The following SENP3 variants were observed in gnomAD, a reference collection of about 807,000 sequenced individuals.
The protein encoded by SENP3 is sentrin-specific protease 3.
Under a neutral mutation model 66.2 loss-of-function variants are expected in SENP3, and 11 were observed. That is an observed-to-expected ratio of 0.17 (90% CI 0.10 to 0.28). The LOEUF is 0.28. Among genes scored for constraint, SENP3 ranks in the 10% least tolerant of loss-of-function variants. The probability of loss-of-function intolerance (pLI) is 1.00; values close to 1 mark genes in which losing one functional copy is unlikely to be tolerated. For missense variants in SENP3, 548 were observed against 743.7 expected, an observed-to-expected ratio of 0.74 and a Z score of 3.06; for synonymous variants, 292 against 277.6, an observed-to-expected ratio of 1.05 and a Z score of -0.52.
Position 7,563,297 on chromosome 17 carries a change from C to G in SENP3, c.221C>G (p.Ala74Gly). 1 of 1,553,188 alleles carries G rather than the reference C, an allele frequency of 6.4e-7. No homozygotes were observed. The highest frequency in any genetic ancestry group is 1.7e-4 in the Middle Eastern group (1 of 5,994). ...CCCCGACCCTCTTTTGATGCCTCAG[C>G]AAGTGAAGAGGAGGAAGAAGAGGAG... ...PVPRPSFDAS[A>G]SEEEEEEEEE... Residue 74 changes from alanine to glycine, a missense_variant, in exon 2 of 11, where the codon GCA (alanine) becomes GGA (glycine). Physicochemically the swap from Ala to Gly is moderately conservative, Grantham distance 60. Coordinates refer to ENST00000321337, the MANE Select transcript of SENP3 (RefSeq NM_015670.6).
chr17:7,568,729 C>G (rs1192193413), intron 7 of SENP3, among the ~76,000 whole-genome samples: 1 of 152,138 alleles, frequency 6.6e-6, no homozygotes, highest in Non-Finnish European at 1.5e-5. Flanking sequence ...CTTTGTACTA[C>G]CCTTTGTTAA....
chr17:7,570,089 AG>A lies in SENP3; in HGVS notation c.1342-266del, dbSNP rs762868995. 7.9e-5 allele frequency among the ~76,000 whole-genome samples: 12 copies of A among 152,172 alleles called. No homozygotes were observed. Among genetic ancestry groups the A allele is most frequent in the Non-Finnish European group, 1.3e-4 (9 of 68,032 alleles). On this transcript the variant is annotated intron_variant, in intron 7 of 10. Coordinates refer to ENST00000321337, the MANE Select transcript of SENP3 (RefSeq NM_015670.6). This position sits in a 1 kb window ranked among gnomAD's most constrained non-coding sequence, Gnocchi z 5.4. ...CCTGGGCCTGGGTTCTTAGCTGCTA[AG>A]TGCTTCTCCCTTTAAAGTGTGAAAA...
At chr17:7,565,832 T>C in intron 6 of SENP3, 68 bp downstream of exon 6, 1 of 1,329,936 alleles carries the variant, frequency 7.5e-7, no homozygotes, top group Non-Finnish European at 1.1e-6. Flanking sequence ...TTTAAGCTCC[T>C]TTCATCTCTT....
intron 6 of SENP3, 48 bp from the exon 7 acceptor site, chr17:7,566,879 G>A (rs1350875758): frequency 1.5e-6 from 2 of 1,328,612 alleles, no homozygotes; most frequent in Admixed American, 2.0e-5. Context: ...TAGTGGGAGA[G>A]TCTGAGGTCT....
At position 7,566,941 on chromosome 17, in the gene SENP3, T is replaced by C. The variant is rs776501718; in HGVS notation, c.1278T>C (p.Asn426=). The C allele has an allele frequency of 6.4e-6, 10 of 1,564,386 alleles. No individual in the cohort carries two copies. The East Asian group carries it at 2.3e-4, about 37-fold the overall frequency. Reference sequence around the variant, plus strand: ...CATTGGCACAGGTGCATTTCTTCAATAGTTTCTTCTATGATAAACTCCGTA... The same window carrying C: ...CATTGGCACAGGTGCATTTCTTCAACAGTTTCTTCTATGATAAACTCCGTA... ...DTVPEKVHFF[N]SFFYDKLRTK... The change falls in exon 7 of 11, where the codon AAT becomes AAC. Residue 426 remains asparagine, a synonymous_variant. Transcript: ENST00000321337.
intron 6 of SENP3, chr17:7,565,984 C>A: frequency 2.0e-6 from 1 of 511,870 alleles, no homozygotes. Flanking sequence ...CTATGGCCAG[C>A]CCCAAGGATT....
chr17:7,566,708 A>G (rs1435095870), intron 6 of SENP3, among the ~76,000 whole-genome samples: 1 of 151,290 alleles, frequency 6.6e-6, no homozygotes, highest in East Asian at 1.9e-4. Context: ...ACTCATACCT[A>G]TAATCTCAAT....
Position 7,562,515 on chromosome 17 carries a change from TAAGTTTCCTTC to T in SENP3, c.-12+255_-12+265del, listed in dbSNP as rs2071226356. 6.6e-6 allele frequency among the ~76,000 whole-genome samples: 1 copy of T among 152,228 alleles called. No individual in the cohort carries two copies. Among genetic ancestry groups the T allele is most frequent in the Non-Finnish European group, 1.5e-5 (1 of 68,036 alleles). ...CCCAGCGTCTTGATTCGGTTCTCTT[TAAGTTTCCTTC>T]AAAGTTCTTCCCCGTTTATCAGCCT... On this transcript the variant is annotated intron_variant, in intron 1 of 10. Coordinates refer to ENST00000321337, the MANE Select transcript of SENP3 (RefSeq NM_015670.6). This position sits in a 1 kb window ranked among gnomAD's most constrained non-coding sequence, Gnocchi z 5.0.
In SENP3 at chr17:7,563,378, G is replaced by C; in HGVS notation, c.302G>C (p.Arg101Thr). ...GTGGCAGCTTGGAGGCTGCCCCCAA[G>C]ATGGAGTCAGCTGGGAACCTCCCAG... is the stretch of plus-strand genomic sequence containing the variant. ...EEVAAWRLPP[R>T]WSQLGTSQRP... is the part of the protein sequence containing the mutation. Residue 101 changes from arginine (R) to threonine (T), a missense_variant, in exon 2 of 11, where the codon AGA (arginine) becomes ACA (threonine). By Grantham distance (71) the Arg-to-Thr change is moderately conservative (BLOSUM62 -1). This residue lies in a region of SENP3 where 164 missense variants were observed against 167.9 expected (regional missense o/e 0.98). Coordinates refer to ENST00000321337, the MANE Select transcript of SENP3 (RefSeq NM_015670.6). 1 of 1,551,322 alleles carries C rather than the reference G, an allele frequency of 6.4e-7. No homozygotes were observed. Among genetic ancestry groups the C allele is most frequent in the Non-Finnish European group, 8.7e-7 (1 of 1,147,014 alleles).
intron 7 of SENP3, among the ~76,000 whole-genome samples, chr17:7,569,792 T>C (rs1286021505): frequency 6.6e-6 from 1 of 152,228 alleles, no homozygotes. Context: ...AAGCTGCAAT[T>C]TCCTCATCTG....
At chr17:7,567,553 G>A (rs1048907758) in intron 7 of SENP3, among the ~76,000 whole-genome samples, 2 of 152,116 alleles carry the variant, frequency 1.3e-5, no homozygotes, top group East Asian at 1.9e-4. Context: ...ATGTCATAGC[G>A]TGGGAAGTGG....
chr17:7,562,025 CGGTGGCGGA>C lies in SENP3; in HGVS notation c.-244_-236del, dbSNP rs894427166. 3.7e-4 allele frequency: 147 copies of C among 399,582 alleles called. No individual in the cohort carries two copies. The highest frequency in any genetic ancestry group is 1.9e-3 in the South Asian group (16 of 8,478). 24.8% of individuals were successfully genotyped at this position (399,582 alleles called of 1,614,324 possible). On this transcript the variant is annotated 5_prime_UTR_variant, in exon 1 of 11. Transcript: ENST00000321337. The surrounding 1 kb of genome is among the most constrained non-coding windows in gnomAD (Gnocchi z 5.0). ...GCGGCGGCGGTGGCGCTGGTGGCGG[CGGTGGCGGA>C]GGTGGAGGTGGAGGTGGAAGCTGAA...
At chr17:7,571,310 T>A in intron 10 of SENP3, 63 bp from the exon 11 acceptor site, 2 of 1,226,792 alleles carry the variant, frequency 1.6e-6, no homozygotes, top group Non-Finnish European at 2.4e-6. Context: ...ACATCTCATA[T>A]GAAATGTGTA....
intron 7 of SENP3, 75 bp downstream of exon 7, chr17:7,567,079 T>G: frequency 2.1e-6 from 2 of 965,510 alleles, no homozygotes; most frequent in Non-Finnish European, 3.3e-6. Flanking sequence ...CTCTGAGCCC[T>G]TTCCCTGACC....
chr17:7,562,244 G>A lies in SENP3; in HGVS notation c.-31G>A, dbSNP rs888522305. On this transcript the variant is annotated 5_prime_UTR_variant, in exon 1 of 11. Transcript: ENST00000321337. This position sits in a 1 kb window ranked among gnomAD's most constrained non-coding sequence, Gnocchi z 5.0. ...GAGACGCCCGCCTTCGGGCCCGTCC[G>A]CCCGGCTTCCCCGCTCCCGGTGAGG... is the stretch of plus-strand genomic sequence containing the variant. 2.5e-6 allele frequency: 1 copy of A among 398,436 alleles called. No homozygotes were observed. Among genetic ancestry groups the A allele is most frequent in the Non-Finnish European group, 4.4e-6 (1 of 225,878 alleles). 24.7% of individuals were successfully genotyped at this position (398,436 alleles called of 1,614,324 possible).
chr17:7,570,689 C>G lies in SENP3; in HGVS notation c.1488C>G (p.Ala496=), dbSNP rs1356009162. Residue 496 remains alanine (A), a synonymous_variant, in exon 9 of 11, where the codon GCC becomes GCG. Coordinates refer to ENST00000321337, the MANE Select transcript of SENP3 (RefSeq NM_015670.6). This position sits in a 1 kb window ranked among gnomAD's most constrained non-coding sequence, Gnocchi z 5.4. ...TTCCCCCATCCACATAGCATATTGC[C>G]AAGTATCTACAGGCAGAGGCGGTAA... ...TLNRRCPKHI[A]KYLQAEAVKK... 1.2e-6 allele frequency: 2 copies of G among 1,612,552 alleles called. No homozygotes were observed. The highest frequency in any genetic ancestry group is 1.7e-6 in the Non-Finnish European group (2 of 1,179,244).
chr17:7,571,578 C>A lies in SENP3; in HGVS notation c.*95C>A. The A allele has an allele frequency of 1.3e-6, 1 of 748,056 alleles. No homozygotes were observed. The highest frequency in any genetic ancestry group is 1.6e-5 in the South Asian group (1 of 62,736). 46.3% of individuals were successfully genotyped at this position (748,056 alleles called of 1,614,324 possible). On this transcript the variant is annotated 3_prime_UTR_variant, in exon 11 of 11. Coordinates refer to ENST00000321337, the MANE Select transcript of SENP3 (RefSeq NM_015670.6). ...AGTTCCTTTCCTCTCTTGCCTCTTC[C>A]CACTCACTTCCCTTTGGTTTTTCAT... is the stretch of plus-strand genomic sequence containing the variant.
At position 7,564,819 on chromosome 17, in the gene SENP3, G is replaced by T; in HGVS notation, c.910G>T (p.Gly304Cys). 3 of 1,613,282 alleles carry T rather than the reference G, an allele frequency of 1.9e-6. No homozygotes were observed. The highest frequency in any genetic ancestry group is 1.7e-4 in the Middle Eastern group (1 of 6,056). Residue 304 changes from glycine to cysteine, a missense_variant, in exon 3 of 11, where the codon GGC becomes TGC. This residue lies in a region of SENP3 where 215 missense variants were observed against 230.7 expected (regional missense o/e 0.93). Transcript: ENST00000321337. ...GGCAGAGAGGCCTGGGGAGAAAGCC[G>T]GCCAGCACAGCCCCCTGCGAGAGGA... ...EEAERPGEKAGQHSPLREEHV... is the reference protein window; with the variant it reads ...EEAERPGEKACQHSPLREEHV...
At position 7,565,011 on chromosome 17, in the gene SENP3, T is replaced by C. The variant is rs756004440; in HGVS notation, c.1008T>C (p.Thr336=). 8.1e-6 allele frequency: 13 copies of C among 1,613,832 alleles called. No individual in the cohort carries two copies. In the Admixed American group the frequency reaches 1.5e-4, roughly 19 times the overall value. Reference sequence around the variant, plus strand: ...ATGGCAGCCTCATACCCCTCAGCACTGATGAGGTAGTAGAGAAGCTGGAGG... The same window carrying C: ...ATGGCAGCCTCATACCCCTCAGCACCGATGAGGTAGTAGAGAAGCTGGAGG... ...QTYGSLIPLS[T]DEVVEKLEDI... is the part of the protein sequence containing the mutation. Residue 336 remains threonine, a synonymous_variant, in exon 4 of 11, where the codon ACT becomes ACC. Coordinates refer to ENST00000321337, the MANE Select transcript of SENP3 (RefSeq NM_015670.6).
Sources: allele counts gnomAD v4.1 joint callset (sites outside exome capture counted in the v4.1 genomes callset), GRCh38; gene constraint gnomAD v4.1.1; regional missense constraint gnomAD v4.1.1; non-coding constraint Gnocchi (gnomAD v3.1); transcripts MANE v1.5; gene names NCBI Gene and HGNC (gene_info 2026-07-23, HGNC 2026-07-21).